The following TLN2 variants were observed in gnomAD, a reference collection of about 807,000 sequenced individuals.
The protein encoded by TLN2 is talin 2, also known as talin-2.
Under a neutral mutation model 294.7 loss-of-function variants are expected in TLN2, and 118 were observed. That is an observed-to-expected ratio of 0.40 (90% CI 0.34 to 0.47). TLN2 has a LOEUF of 0.47. TLN2 is among the 20% of genes least tolerant of loss of function. The pLI is 0.84. For missense variants in TLN2, 3,083 were observed against 3,282.2 expected, an observed-to-expected ratio of 0.94 and a Z score of 1.48; for synonymous variants, 1,431 against 1,304.5, an observed-to-expected ratio of 1.10 and a Z score of -2.09.
At chr15:62,441,612 C>T (rs894883403) in intron 1 of TLN2, among the ~76,000 whole-genome samples, 8 of 152,166 alleles carry the variant, frequency 5.3e-5, no homozygotes, top group African/African-American at 1.9e-4. Context: ...AACTGGATGT[C>T]CTCTAATTTA....
At chr15:62,757,775 G>A (rs996978400) in intron 37 of TLN2, among the ~76,000 whole-genome samples, 5 of 152,280 alleles carry the variant, frequency 3.3e-5, no homozygotes, top group South Asian at 2.1e-4. Flanking sequence ...CCCTGGGAAC[G>A]AGGAGCAATG....
At chr15:62,411,633 T>C (rs960660057) in intron 1 of TLN2, among the ~76,000 whole-genome samples, 1 of 152,130 alleles carries the variant, frequency 6.6e-6, no homozygotes, top group African/African-American at 2.4e-5. Context: ...AGCTTTCTAG[T>C]CAGGGAGCTG....
chr15:62,394,418 G>C (rs939223307), intron 1 of TLN2, among the ~76,000 whole-genome samples: 8 of 152,142 alleles, frequency 5.3e-5, no homozygotes, highest in Admixed American at 3.9e-4. Context: ...TTAAAGACAA[G>C]AAGGAAAACA....
chr15:62,643,057 T>C (rs2051330577), intron 3 of TLN2, among the ~76,000 whole-genome samples: 1 of 152,232 alleles, frequency 6.6e-6, no homozygotes, highest in Non-Finnish European at 1.5e-5. Flanking sequence ...TTCCAACAAG[T>C]GTCCTTTTTG....
chr15:62,569,570 T>G (rs1209648699), intron 1 of TLN2, among the ~76,000 whole-genome samples: 1 of 152,222 alleles, frequency 6.6e-6, no homozygotes, highest in Non-Finnish European at 1.5e-5. Context: ...GCATGGCACT[T>G]TCAGCTCATG....
chr15:62,481,446 G>A (rs954796405), intron 1 of TLN2, among the ~76,000 whole-genome samples: 3 of 152,208 alleles, frequency 2.0e-5, no homozygotes, highest in South Asian at 2.1e-4. Flanking sequence ...CACTGCAGTC[G>A]CGAACTCTTA....
chr15:62,536,688 C>G (rs76143531), intron 1 of TLN2, among the ~76,000 whole-genome samples: 1 of 152,192 alleles, frequency 6.6e-6, no homozygotes, highest in Non-Finnish European at 1.5e-5. Context: ...TGGATGCCCT[C>G]TCCTTGGGCC....
At chr15:62,426,688 G>A (rs2034733394) in intron 1 of TLN2, among the ~76,000 whole-genome samples, 1 of 152,198 alleles carries the variant, frequency 6.6e-6, no homozygotes, top group South Asian at 2.1e-4. Context: ...TTTCCACTGT[G>A]GTTTCTAGTT....
At chr15:62,805,972 T>C (rs1021621919) in intron 51 of TLN2, among the ~76,000 whole-genome samples, 187 bp downstream of exon 51, 1 of 152,144 alleles carries the variant, frequency 6.6e-6, no homozygotes, top group East Asian at 1.9e-4. Flanking sequence ...GAGGATCGCT[T>C]GAGACCAGGA....
intron 12 of TLN2, among the ~76,000 whole-genome samples, chr15:62,690,656 G>T (rs2057788546): frequency 6.7e-6 from 1 of 148,426 alleles, no homozygotes; most frequent in Non-Finnish European, 1.5e-5. Flanking sequence ...GGAGGCCAAG[G>T]CGGGCAGCTG....
At chr15:62,533,682 A>G (rs2140503602) in intron 1 of TLN2, among the ~76,000 whole-genome samples, 1 of 152,306 alleles carries the variant, frequency 6.6e-6, no homozygotes, top group East Asian at 1.9e-4. Context: ...GGAGGGTTTG[A>G]ATTATGATGG....
At chr15:62,758,987 C>T (rs529143992) in intron 37 of TLN2, among the ~76,000 whole-genome samples, 7 of 152,344 alleles carry the variant, frequency 4.6e-5, no homozygotes, top group Admixed American at 1.3e-4. Flanking sequence ...TTGTTTCTCC[C>T]AGATGTCCGT....
intron 1 of TLN2, among the ~76,000 whole-genome samples, chr15:62,566,600 C>T (rs1455996242): frequency 6.7e-6 from 1 of 150,188 alleles, no homozygotes; most frequent in African/African-American, 2.4e-5. Context: ...CTCCTGGCAG[C>T]ATTGAGTAGC....
intron 1 of TLN2, among the ~76,000 whole-genome samples, chr15:62,557,603 C>T (rs2042679407): frequency 6.6e-6 from 1 of 152,118 alleles, no homozygotes; most frequent in Non-Finnish European, 1.5e-5. Flanking sequence ...GATCTCGGCT[C>T]ACTGCAACCT....
At chr15:62,693,789 A>C (rs2058103344) in intron 13 of TLN2, among the ~76,000 whole-genome samples, 1 of 152,100 alleles carries the variant, frequency 6.6e-6, no homozygotes, top group Non-Finnish European at 1.5e-5. Flanking sequence ...ACATCTAACT[A>C]TATATTAAAT....
intron 3 of TLN2, among the ~76,000 whole-genome samples, chr15:62,631,518 C>CTTCCTTTCCTTTCCT (rs201532885): frequency 0.062 from 5,587 of 89,596 alleles, 677 homozygotes; most frequent in South Asian, 0.096. Context: ...TTCTTTCTTT[C>CTTCCTTTCCTTTCCT]TTCCTTTCCT....
In TLN2 at chr15:62,406,041, G is replaced by A. The variant is rs535621111; in HGVS notation, c.-238+15356G>A. Among the ~76,000 whole-genome samples the A allele has an allele frequency of 4.6e-5, 7 of 152,314 alleles. No homozygotes were observed. In the East Asian group the frequency reaches 1.2e-3, roughly 25 times the overall value. On this transcript the variant is annotated intron_variant, in intron 1 of 58. Transcript: ENST00000636159. ...CCCTGGGGAATCCGAGAAGCATCAG[G>A]TGGCCGTATGCCTAACCATAGGGAC...
At chr15:62,413,592 A>T (rs1054766644) in intron 1 of TLN2, among the ~76,000 whole-genome samples, 1 of 152,212 alleles carries the variant, frequency 6.6e-6, no homozygotes, top group African/African-American at 2.4e-5. Flanking sequence ...AAGTGGCAGG[A>T]TGTTTGTGTT....
At chr15:62,594,637 A>C (rs2046336651) in intron 2 of TLN2, among the ~76,000 whole-genome samples, 1 of 152,240 alleles carries the variant, frequency 6.6e-6, no homozygotes, top group African/African-American at 2.4e-5. Context: ...CATATCTCAC[A>C]TTATATACAA....
Sources: gnomAD v4.1 joint callset for allele counts (sites outside exome capture counted in the v4.1 genomes callset) on GRCh38, gnomAD v4.1.1 for gene constraint, MANE v1.5 for transcripts, NCBI Gene and HGNC (gene_info 2026-07-23, HGNC 2026-07-21) for gene names.